Variants in LCP1 observed in about 807,000 individuals in gnomAD.
LCP1 encodes the protein plastin-2.
LCP1 carries 23 observed loss-of-function variants against 72.0 expected under a neutral mutation model. That is an observed-to-expected ratio of 0.32 (90% CI 0.23 to 0.45). The LOEUF (loss-of-function observed/expected upper bound fraction) is 0.45, where lower values mean the gene tolerates loss of function less well. LCP1 is among the 20% of genes least tolerant of loss of function. The pLI, the probability that LCP1 is intolerant of heterozygous loss-of-function variation, is 1.00. For synonymous variants in LCP1, 245 were observed against 275.4 expected, an observed-to-expected ratio of 0.89 and a Z score of 1.09; for missense variants, 571 against 748.3, an observed-to-expected ratio of 0.76 and a Z score of 2.76.
In LCP1 at chr13:46,144,543, T is replaced by A. The variant is rs564060404; in HGVS notation, c.1175-23A>T. 2.1e-4 allele frequency: 329 copies of A among 1,575,716 alleles called. 7 individuals carry two copies. In the South Asian group the frequency reaches 3.5e-3, roughly 17 times the overall value. On this transcript the variant is annotated intron_variant, in intron 10 of 15. Coordinates refer to ENST00000323076, the MANE Select transcript of LCP1 (RefSeq NM_002298.5). Reference sequence around the variant, plus strand: ...CACCTAGATGAATGAAGATGGGTTATCTTTTGGGACCGAAGAAAACATAGC... The same window carrying A: ...CACCTAGATGAATGAAGATGGGTTAACTTTTGGGACCGAAGAAAACATAGC...
At chr13:46,151,115 G>A (rs1218808091) in intron 7 of LCP1, 37 bp from the exon 8 acceptor site, 8 of 1,583,182 alleles carry the variant, frequency 5.1e-6, no homozygotes, top group Non-Finnish European at 5.1e-6. Context: ...AATAAATGCA[G>A]CGATGTTGGG....
intron 1 of LCP1, among the ~76,000 whole-genome samples, chr13:46,164,742 AAC>A (rs1277672181): frequency 6.6e-6 from 1 of 152,238 alleles, no homozygotes; most frequent in Non-Finnish European, 1.5e-5. Flanking sequence ...ATATCCTGGA[AAC>A]ACAACCTAAC....
Position 46,172,128 on chromosome 13 carries a change from T to A in LCP1, c.-25+9983A>T, listed in dbSNP as rs1376328371. ...AGGTGATGTTGCCCACTGAGCTAAGTCTTAGGGAACCAGTAGTTTTCCAAA... is the reference window on the plus strand; with the variant it reads ...AGGTGATGTTGCCCACTGAGCTAAGACTTAGGGAACCAGTAGTTTTCCAAA... On this transcript the variant is annotated intron_variant, in intron 1 of 15. Transcript: ENST00000323076. Among the ~76,000 whole-genome samples the A allele has an allele frequency of 2.0e-5, 3 of 152,294 alleles. No homozygotes were observed. In the East Asian group the frequency reaches 5.8e-4, roughly 29 times the overall value.
rs1212288612 is a variant in LCP1, at chr13:46,152,799, A to G, written c.720T>C (p.Ile240=). 6 of 1,613,888 alleles carry G rather than the reference A, an allele frequency of 3.7e-6. No homozygotes were observed. Among genetic ancestry groups the G allele is most frequent in the Non-Finnish European group, 5.1e-6 (6 of 1,179,982 alleles). The change falls in exon 7 of 16, where the codon ATT becomes ATC. Residue 240 remains isoleucine (I), a synonymous_variant. Coordinates refer to ENST00000323076, the MANE Select transcript of LCP1 (RefSeq NM_002298.5). The part of the protein sequence containing the change: ...QVIKIGLFAD[I]ELSRNEALIA... ...TCTTACCTTCATTTCTGCTGAGTTC[A>G]ATGTCAGCAAACAACCCAATCTTGA...
intron 1 of LCP1, among the ~76,000 whole-genome samples, chr13:46,165,147 C>T (rs756912928): frequency 6.6e-5 from 10 of 151,982 alleles, no homozygotes; most frequent in South Asian, 4.1e-4. Context: ...CCGAGGTGCA[C>T]GGATTGCTTT....
chr13:46,153,941 T>C (rs187455004), intron 6 of LCP1, among the ~76,000 whole-genome samples: 32 of 152,314 alleles, frequency 2.1e-4, no homozygotes, highest in Admixed American at 1.6e-3. Flanking sequence ...GTATGTACTA[T>C]TCTTGAGTTT....
At chr13:46,177,228 G>A (rs969474081) in intron 1 of LCP1, among the ~76,000 whole-genome samples, 1 of 152,124 alleles carries the variant, frequency 6.6e-6, no homozygotes, top group East Asian at 1.9e-4. Flanking sequence ...CTTATATTTG[G>A]CCATTACTAT....
rs1228638023 is a variant in LCP1 at position 46,126,269 on chromosome 13, T to G, written c.*1322A>C. The G allele has an allele frequency of 4.4e-6, 1 of 228,096 alleles. No individual in the cohort carries two copies. The highest frequency in any genetic ancestry group is 2.2e-5 in the African/African-American group (1 of 45,078). The allele number at this position is 228,096 out of a possible 1,614,324, so 14.1% of individuals were successfully genotyped here. On this transcript the variant is annotated 3_prime_UTR_variant, in exon 16 of 16. Transcript: ENST00000323076. ...CACCATGATAGAGGGCGTCTTGCAT[T>G]GGTTCACAATGGCCTGTTGCTTTTT...
chr13:46,131,352 T>C (rs1236692540), intron 14 of LCP1, among the ~76,000 whole-genome samples: 1 of 152,070 alleles, frequency 6.6e-6, no homozygotes, highest in African/African-American at 2.4e-5. Context: ...AGTCAAAAAA[T>C]AACAGATGCC....
rs143375925 is a variant in LCP1, at chr13:46,137,401, G to A, written c.1503-3151C>T. Reference sequence around the variant, plus strand: ...AAAAGTAGAAAATTAGCCGGGTGTGGTGGCACAAGCCTGTAATCCCAGCTA... The same window carrying A: ...AAAAGTAGAAAATTAGCCGGGTGTGATGGCACAAGCCTGTAATCCCAGCTA... On this transcript the variant is annotated intron_variant, in intron 13 of 15. Transcript: ENST00000323076. Among the ~76,000 whole-genome samples the A allele has an allele frequency of 3.3e-3, 495 of 152,206 alleles. 3 individuals are homozygous for A. The highest frequency in any genetic ancestry group is 0.011 in the African/African-American group (461 of 41,516).
At chr13:46,129,107 A>G (rs911115771) in intron 15 of LCP1, among the ~76,000 whole-genome samples, 2 of 152,246 alleles carry the variant, frequency 1.3e-5, no homozygotes, top group African/African-American at 4.8e-5. Flanking sequence ...ACAGAGGGAA[A>G]ACGGTCTGAA....
chr13:46,144,039 C>T (rs2045714922), intron 11 of LCP1, among the ~76,000 whole-genome samples: 1 of 151,694 alleles, frequency 6.6e-6, no homozygotes. Flanking sequence ...GCACTCCAGC[C>T]TGGGCGACAG....
intron 1 of LCP1, among the ~76,000 whole-genome samples, chr13:46,176,356 G>GA (rs35188843): frequency 0.16 from 23,583 of 151,914 alleles, 2,011 homozygotes; most frequent in African/African-American, 0.21. Flanking sequence ...AATAAAAACT[G>GA]AAAAAACATT....
rs77916369 is a variant in LCP1 at position 46,149,133 on chromosome 13, T to C, written c.883-686A>G. On this transcript the variant is annotated intron_variant, in intron 8 of 15. Coordinates refer to ENST00000323076, the MANE Select transcript of LCP1 (RefSeq NM_002298.5). Reference sequence around the variant, plus strand: ...TCTTAAAATATAAATTTATTCTTAGTCAATGAAAGCATACAGATTTTCAGG... The same window carrying C: ...TCTTAAAATATAAATTTATTCTTAGCCAATGAAAGCATACAGATTTTCAGG... 4.9e-3 allele frequency among the ~76,000 whole-genome samples: 748 copies of C among 152,336 alleles called. 2 individuals carry two copies. Among genetic ancestry groups the C allele is most frequent in the Non-Finnish European group, 6.9e-3 (470 of 68,026 alleles).
chr13:46,152,694 A>T, intron 7 of LCP1, 86 bp downstream of exon 7: 3 of 1,390,234 alleles, frequency 2.2e-6, no homozygotes, highest in Non-Finnish European at 2.9e-6. Flanking sequence ...AAAACTTGAG[A>T]ATTTCTGACA....
At chr13:46,132,649 T>A (rs1253459447) in intron 14 of LCP1, among the ~76,000 whole-genome samples, 1 of 152,140 alleles carries the variant, frequency 6.6e-6, no homozygotes, top group East Asian at 1.9e-4. Context: ...AAGAATCTGC[T>A]TGCCGCCTTT....
At chr13:46,158,253 T>C (rs2045815830) in intron 4 of LCP1, among the ~76,000 whole-genome samples, 1 of 152,238 alleles carries the variant, frequency 6.6e-6, no homozygotes, top group Non-Finnish European at 1.5e-5. Context: ...CTTGAGTAGC[T>C]AATTTTGTCC....
rs2045596923 is a variant in LCP1 at position 46,126,177 on chromosome 13, C to T, written c.*1414G>A. The stretch of plus-strand genomic sequence containing the variant: ...GATCCAGAGCAATGCATTTCAATTG[C>T]TTTGAAAAATGGCTAAGTTCCATTA... On this transcript the variant is annotated 3_prime_UTR_variant, in exon 16 of 16. Coordinates refer to ENST00000323076, the MANE Select transcript of LCP1 (RefSeq NM_002298.5). 4.1e-5 allele frequency: 9 copies of T among 220,688 alleles called. No individual in the cohort carries two copies. In the East Asian group the frequency reaches 6.0e-4, roughly 15 times the overall value. 13.7% of individuals were successfully genotyped at this position (220,688 alleles called of 1,614,324 possible). A position where few individuals can be genotyped will look rare whatever the true frequency, so the allele number is the denominator to read the frequency against.
chr13:46,129,808 T>C (rs1375627013), intron 15 of LCP1, among the ~76,000 whole-genome samples: 1 of 152,190 alleles, frequency 6.6e-6, no homozygotes, highest in East Asian at 1.9e-4. Flanking sequence ...CCTCAGAGTA[T>C]GACCCTAGTT....
Sources: gnomAD v4.1 joint callset for allele counts (sites outside exome capture counted in the v4.1 genomes callset) on GRCh38, gnomAD v4.1.1 for gene constraint, MANE v1.5 for transcripts, NCBI Gene and HGNC (gene_info 2026-07-23, HGNC 2026-07-21) for gene names.